The following CHD1 variants were observed in gnomAD, a reference collection of about 807,000 sequenced individuals.
CHD1 encodes the protein chromodomain helicase DNA binding protein 1, also known as ATP-dependent chromatin remodeler CHD1.
A neutral mutation model predicts 224.2 loss-of-function variants in CHD1; 36 were observed. The observed-to-expected ratio is 0.16, with a 90% CI of 0.12 to 0.21. The LOEUF is 0.21. CHD1 is among the 10% of genes least tolerant of loss of function. The pLI, the probability that CHD1 is intolerant of heterozygous loss-of-function variation, is 1.00. For missense variants in CHD1, 1,378 were observed against 1,994.8 expected (o/e 0.69, Z 5.89); for synonymous variants, 668 against 658.3 (o/e 1.01, Z -0.23).
chr5:98,861,777 T>C lies in CHD1; in HGVS notation c.4427+1631A>G, dbSNP rs139310017. On this transcript the variant is annotated intron_variant, in intron 32 of 35. Transcript: ENST00000614616. Reference sequence around the variant, plus strand: ...TTGGCCTCCCAACGTGCTGGGATTATAGGCATGAGCCATTGTGCCCAGCCC... The same window carrying C: ...TTGGCCTCCCAACGTGCTGGGATTACAGGCATGAGCCATTGTGCCCAGCCC... Among the ~76,000 whole-genome samples, 285 of 151,930 alleles carry C rather than the reference T, an allele frequency of 1.9e-3. 1 individual carries two copies. Among genetic ancestry groups the C allele is most frequent in the African/African-American group, 6.2e-3 (258 of 41,440 alleles).
chr5:98,859,079 G>T, intron 33 of CHD1, 64 bp from the exon 34 acceptor site: 1 of 1,231,434 alleles, frequency 8.1e-7, no homozygotes, highest in South Asian at 1.4e-5. Flanking sequence ...AAAAAGCACA[G>T]ATAATTCTTA....
intron 2 of CHD1, among the ~76,000 whole-genome samples, chr5:98,917,743 C>T (rs976891635): frequency 6.6e-6 from 1 of 152,188 alleles, no homozygotes; most frequent in Non-Finnish European, 1.5e-5. Flanking sequence ...TTTGTCTCTA[C>T]ATATTTTAAT....
At chr5:98,871,021 C>A (rs917942814) in intron 28 of CHD1, among the ~76,000 whole-genome samples, 1 of 151,676 alleles carries the variant, frequency 6.6e-6, no homozygotes, top group Non-Finnish European at 1.5e-5. Flanking sequence ...CTTCAAAAAC[C>A]CTCAGATTAT....
intron 5 of CHD1, 105 bp downstream of exon 5, chr5:98,902,795 G>C: frequency 1.6e-6 from 1 of 628,516 alleles, no homozygotes; most frequent in Non-Finnish European, 2.7e-6. Flanking sequence ...CATGAACTAA[G>C]AATTTAGAAG....
intron 2 of CHD1, among the ~76,000 whole-genome samples, chr5:98,914,433 T>C (rs754493488): frequency 6.6e-6 from 1 of 152,192 alleles, no homozygotes; most frequent in Non-Finnish European, 1.5e-5. Flanking sequence ...ACAGGTTTTA[T>C]ACATACACAA....
intron 22 of CHD1, among the ~76,000 whole-genome samples, chr5:98,880,124 A>G (rs936164454): frequency 6.6e-6 from 1 of 152,368 alleles, no homozygotes; most frequent in South Asian, 2.1e-4. Context: ...AACACTATCT[A>G]AAGAGCTACT....
chr5:98,912,834 C>G (rs1200755005), intron 2 of CHD1, among the ~76,000 whole-genome samples: 2 of 152,156 alleles, frequency 1.3e-5, no homozygotes, highest in African/African-American at 4.8e-5. Flanking sequence ...TATTTATTTT[C>G]AATTATATAA....
At chr5:98,858,893 G>C in intron 34 of CHD1, 71 bp downstream of exon 34, 1 of 934,854 alleles carries the variant, frequency 1.1e-6, no homozygotes, top group Admixed American at 3.2e-5. Context: ...TTTATCATTT[G>C]GTTTATTTAA....
chr5:98,923,028 G>A (rs1204505316), intron 2 of CHD1, among the ~76,000 whole-genome samples: 1 of 152,124 alleles, frequency 6.6e-6, no homozygotes, highest in Non-Finnish European at 1.5e-5. Flanking sequence ...AATATTCATA[G>A]TTATAGAAAC....
intron 19 of CHD1, among the ~76,000 whole-genome samples, chr5:98,882,520 C>T (rs1429241218): frequency 6.6e-6 from 1 of 151,900 alleles, no homozygotes; most frequent in African/African-American, 2.4e-5. Flanking sequence ...AACTACTCCC[C>T]AAGTTAATAA....
chr5:98,909,566 T>C (rs750389678), intron 2 of CHD1, among the ~76,000 whole-genome samples: 5 of 152,144 alleles, frequency 3.3e-5, no homozygotes, highest in Non-Finnish European at 5.9e-5. Context: ...TAAGAGGCAG[T>C]AAAATGGTGA....
intron 2 of CHD1, among the ~76,000 whole-genome samples, chr5:98,907,588 C>CAA (rs34839165): frequency 0.069 from 6,010 of 87,102 alleles, 319 homozygotes; most frequent in Middle Eastern, 0.1. Context: ...AACTCCATCT[C>CAA]AAAAAAAAAA....
chr5:98,888,864 C>T (rs1230538280), intron 16 of CHD1, among the ~76,000 whole-genome samples: 1 of 152,082 alleles, frequency 6.6e-6, no homozygotes, highest in Non-Finnish European at 1.5e-5. Context: ...TTTGAGAGAC[C>T]TATTTTTAGA....
At chr5:98,858,804 A>G in intron 34 of CHD1, 160 bp downstream of exon 34, 1 of 472,378 alleles carries the variant, frequency 2.1e-6, no homozygotes, top group East Asian at 3.4e-5. Flanking sequence ...ATTTTACATA[A>G]TAATGTAGGT....
At chr5:98,903,267 C>A (rs1038913356) in intron 4 of CHD1, among the ~76,000 whole-genome samples, 9 of 152,038 alleles carry the variant, frequency 5.9e-5, no homozygotes, top group African/African-American at 2.2e-4. Context: ...ATCCTAGGTG[C>A]CAACATGCCA....
rs1248529392 is a variant in CHD1 at position 98,868,495 on chromosome 5, A to G, written c.4248T>C (p.Ile1416=). ...SEELDQKTFS[I]CKERMRPVKA... is the part of the protein sequence containing the mutation. ...AATAATCAGAAAGTCTAAGGCTTAC[A>G]ATGCTGAATGTCTTCTGATCCAGCT... Residue 1416 remains isoleucine (I), a splice_region_variant and synonymous_variant, in exon 31 of 36, where the codon ATT becomes ATC. Coordinates refer to ENST00000614616, the MANE Select transcript of CHD1 (RefSeq NM_001270.4). 1.2e-6 allele frequency: 2 copies of G among 1,605,282 alleles called. No individual in the cohort carries two copies. The highest frequency in any genetic ancestry group is 1.7e-6 in the Non-Finnish European group (2 of 1,178,120).
chr5:98,856,423 T>C lies in CHD1; in HGVS notation c.5090A>G (p.His1697Arg). ...CCAGGTATGCTCCGGTGTACTTTTG[T>C]GTTCAACTGAATGTTCAAATGGAGA... ...SRSPFEHSVEHKSTPEHTWSS... is the reference protein window; with the variant it reads ...SRSPFEHSVERKSTPEHTWSS... The change falls in exon 36 of 36, where the codon CAC becomes CGC. Residue 1697 changes from histidine to arginine, a missense_variant. Around this residue, in one of 16 missense-constraint regions of CHD1, gnomAD observed 278 missense variants for 298.5 expected, o/e 0.93. Transcript: ENST00000614616. 1 of 1,613,422 alleles carries C rather than the reference T, an allele frequency of 6.2e-7. No individual in the cohort carries two copies. Among genetic ancestry groups the C allele is most frequent in the East Asian group, 2.2e-5 (1 of 44,868 alleles).
chr5:98,926,319 A>G lies in CHD1; in HGVS notation c.53+15T>C. The G allele has an allele frequency of 6.8e-7, 1 of 1,469,264 alleles. No homozygotes were observed. The highest frequency in any genetic ancestry group is 9.2e-7 in the Non-Finnish European group (1 of 1,084,238). The allele number at this position is 1,469,264 out of a possible 1,614,324, so 91.0% of individuals were successfully genotyped here. On this transcript the variant is annotated intron_variant, in intron 2 of 35. Coordinates refer to ENST00000614616, the MANE Select transcript of CHD1 (RefSeq NM_001270.4). ...CTCTTCATAGTAAACAATTGATAAC[A>G]AAGTGCTTACTTACCTTGATTCTCC...
chr5:98,862,785 A>C (rs1228855017), intron 32 of CHD1, among the ~76,000 whole-genome samples: 1 of 152,192 alleles, frequency 6.6e-6, no homozygotes, highest in Non-Finnish European at 1.5e-5. Flanking sequence ...ATGATAACCC[A>C]TTCTTGGCAA....
Sources: gnomAD v4.1 joint callset for allele counts (sites outside exome capture counted in the v4.1 genomes callset) on GRCh38, gnomAD v4.1.1 for gene constraint, gnomAD v4.1.1 regional missense constraint, MANE v1.5 for transcripts, NCBI Gene and HGNC (gene_info 2026-07-23, HGNC 2026-07-21) for gene names.